ZMIZ1: variants seen among roughly 807,000 people sequenced by gnomAD.
The protein encoded by ZMIZ1 is zinc finger MIZ-type containing 1, also known as zinc finger MIZ domain-containing protein 1.
A neutral mutation model predicts 113.9 loss-of-function variants in ZMIZ1; 17 were observed. The ratio of observed to expected loss-of-function variants is 0.15; its 90% CI spans 0.10 to 0.22. ZMIZ1 has a LOEUF of 0.22. Ranked by LOEUF, ZMIZ1 falls within the 10% of genes least tolerant of loss-of-function variation. The pLI is 1.00. For missense variants in ZMIZ1, 1,059 were observed against 1,477.8 expected, an observed-to-expected ratio of 0.72 and a Z score of 4.65; for synonymous variants, 607 against 603.1, an observed-to-expected ratio of 1.01 and a Z score of -0.09.
At chr10:79,185,703 C>G (rs907377206) in intron 4 of ZMIZ1, among the ~76,000 whole-genome samples, 34 of 152,220 alleles carry the variant, frequency 2.2e-4, no homozygotes, top group Admixed American at 1.6e-3. Flanking sequence ...GTTTTTGGAG[C>G]AGGCCTGTCT....
chr10:79,158,229 A>C (rs1845978638), intron 3 of ZMIZ1, among the ~76,000 whole-genome samples: 2 of 152,190 alleles, frequency 1.3e-5, no homozygotes, highest in Admixed American at 6.5e-5. Flanking sequence ...GTCAGCAGCA[A>C]GCATGAAGAG....
intron 3 of ZMIZ1, among the ~76,000 whole-genome samples, chr10:79,146,126 G>T (rs566732717): frequency 6.6e-6 from 1 of 152,234 alleles, no homozygotes; most frequent in South Asian, 2.1e-4. Context: ...GCCAGGGAAG[G>T]GTGGGAGCTG....
At chr10:79,299,217 C>T in intron 16 of ZMIZ1, 26 bp downstream of exon 16, 1 of 1,586,534 alleles carries the variant, frequency 6.3e-7, no homozygotes, top group Non-Finnish European at 8.5e-7. Flanking sequence ...GGGGCGCCAG[C>T]CCAGGCGGGA....
intron 7 of ZMIZ1, among the ~76,000 whole-genome samples, chr10:79,253,055 A>G (rs1850649590): frequency 6.6e-6 from 1 of 152,164 alleles, no homozygotes; most frequent in Non-Finnish European, 1.5e-5. Context: ...TGGGAGCTTA[A>G]AAGTCCCAGA....
chr10:79,201,494 C>A, intron 4 of ZMIZ1, 90 bp from the exon 5 acceptor site: 1 of 946,216 alleles, frequency 1.1e-6, no homozygotes, highest in Non-Finnish European at 1.6e-6. Flanking sequence ...CTGGAACCTG[C>A]CAGTGTTGTG....
chr10:79,119,482 C>A (rs528488280), intron 2 of ZMIZ1, among the ~76,000 whole-genome samples: 1 of 152,354 alleles, frequency 6.6e-6, no homozygotes, highest in South Asian at 2.1e-4. Context: ...TGTGAGAAAA[C>A]TGAACGTCAC....
intron 1 of ZMIZ1, among the ~76,000 whole-genome samples, chr10:79,111,707 C>T (rs1017085833): frequency 2.6e-5 from 4 of 152,200 alleles, no homozygotes; most frequent in African/African-American, 4.8e-5. Flanking sequence ...CCCAAGCTTG[C>T]CCCTTCCCTC....
At chr10:79,286,562 G>A (rs1373075076) in intron 8 of ZMIZ1, among the ~76,000 whole-genome samples, 9 of 152,266 alleles carry the variant, frequency 5.9e-5, no homozygotes, top group South Asian at 2.1e-4. Context: ...ATGCCAGCAG[G>A]GCCTCGCGTG....
chr10:79,291,030 G>A lies in ZMIZ1; in HGVS notation c.612G>A (p.Met204Ile). The change falls in exon 10 of 25, where the codon ATG (methionine) becomes ATA (isoleucine). Residue 204 changes from methionine (M) to isoleucine (I), a missense_variant. Met to Ile is a conservative substitution (Grantham distance 10). Transcript: ENST00000334512. Reference sequence around the variant, plus strand: ...GCGGCAACCCCATGGCGTCGGGCATGACCACCAGCAACCCAGGCCTCAACT... The same window carrying A: ...GCGGCAACCCCATGGCGTCGGGCATAACCACCAGCAACCCAGGCCTCAACT... ...NPGGNPMASG[M>I]TTSNPGLNSP... The A allele has an allele frequency of 6.2e-7, 1 of 1,614,236 alleles. No individual in the cohort carries two copies. The highest frequency in any genetic ancestry group is 8.5e-7 in the Non-Finnish European group (1 of 1,180,052).
At chr10:79,306,869 G>A (rs1009843671) in intron 22 of ZMIZ1, among the ~76,000 whole-genome samples, 26 of 152,274 alleles carry the variant, frequency 1.7e-4, no homozygotes, top group Admixed American at 7.2e-4. Flanking sequence ...CCACCTAGCC[G>A]AACTCCCACA....
rs376102463 is a variant in ZMIZ1 at position 79,150,040 on chromosome 10, G to A, written c.-131+10263G>A. ...TTGGTGCTTCTGAGGAGGCTTGCTCGGCCCTCCCTCTCCCCTGGGCTGGGT... is the reference window on the plus strand; with the variant it reads ...TTGGTGCTTCTGAGGAGGCTTGCTCAGCCCTCCCTCTCCCCTGGGCTGGGT... On this transcript the variant is annotated intron_variant, in intron 3 of 24. Coordinates refer to ENST00000334512, the MANE Select transcript of ZMIZ1 (RefSeq NM_020338.4). 7.2e-5 allele frequency among the ~76,000 whole-genome samples: 11 copies of A among 152,332 alleles called. No homozygotes were observed. In the South Asian group the frequency reaches 1.0e-3, roughly 14 times the overall value.
At chr10:79,099,507 C>T (rs10762846) in intron 1 of ZMIZ1, among the ~76,000 whole-genome samples, 2 of 152,012 alleles carry the variant, frequency 1.3e-5, no homozygotes, top group African/African-American at 4.8e-5. Flanking sequence ...GTTAGACTGG[C>T]GTGTGGAAGA....
At position 79,296,899 on chromosome 10, in the gene ZMIZ1, C is replaced by T. The variant is rs945820490; in HGVS notation, c.1413+246C>T. 3.1e-5 allele frequency: 12 copies of T among 389,810 alleles called. No individual in the cohort carries two copies. Among genetic ancestry groups the T allele is most frequent in the Non-Finnish European group, 4.1e-5 (9 of 220,484 alleles). 24.1% of individuals were successfully genotyped at this position (389,810 alleles called of 1,614,324 possible). On this transcript the variant is annotated intron_variant, in intron 13 of 24. Transcript: ENST00000334512. The surrounding 1 kb of genome is among the most constrained non-coding windows in gnomAD (Gnocchi z 4.1). ...TTTTTTTTTCTCCTTTTCTTATTCA[C>T]GGCACTCACAAAATAATAAAGGAAA...
intron 7 of ZMIZ1, among the ~76,000 whole-genome samples, chr10:79,254,689 A>G (rs1764596123): frequency 6.6e-6 from 1 of 152,108 alleles, no homozygotes; most frequent in African/African-American, 2.4e-5. Flanking sequence ...TGGGTGGGGG[A>G]TGGCCTTCCT....
In ZMIZ1 at chr10:79,314,301, T is replaced by C. The variant is rs1328296913; in HGVS notation, c.*1552T>C. On this transcript the variant is annotated 3_prime_UTR_variant, in exon 25 of 25. Coordinates refer to ENST00000334512, the MANE Select transcript of ZMIZ1 (RefSeq NM_020338.4). ...ACTGGGGTCCCATCTGTAAATTCTT[T>C]GCGCCCTTCCCGGCTGCTGCCTGGG... 6.6e-6 allele frequency: 3 copies of C among 455,432 alleles called. No homozygotes were observed. The highest frequency in any genetic ancestry group is 1.4e-4 in the East Asian group (2 of 14,492). 28.2% of individuals were successfully genotyped at this position (455,432 alleles called of 1,614,324 possible).
At chr10:79,241,985 G>C (rs1359466247) in intron 7 of ZMIZ1, among the ~76,000 whole-genome samples, 1 of 152,144 alleles carries the variant, frequency 6.6e-6, no homozygotes, top group Non-Finnish European at 1.5e-5. Flanking sequence ...CTAAGTGTTT[G>C]GGGCAGTTAG....
intron 4 of ZMIZ1, among the ~76,000 whole-genome samples, chr10:79,166,735 T>C (rs1418530717): frequency 6.6e-6 from 1 of 152,188 alleles, no homozygotes; most frequent in Non-Finnish European, 1.5e-5. Context: ...AATAAGTAAA[T>C]TGTCCTCTCC....
At chr10:79,160,706 C>T (rs1370623599) in intron 3 of ZMIZ1, among the ~76,000 whole-genome samples, 1 of 152,242 alleles carries the variant, frequency 6.6e-6, no homozygotes, top group Non-Finnish European at 1.5e-5. Context: ...CCTGGGAGCC[C>T]CTGCCTGTGC....
chr10:79,282,843 C>T (rs768966073), intron 8 of ZMIZ1, among the ~76,000 whole-genome samples: 7 of 152,148 alleles, frequency 4.6e-5, no homozygotes, highest in Non-Finnish European at 7.4e-5. Flanking sequence ...GTGGGGCTGC[C>T]GTCTATACTC....
Sources: allele counts gnomAD v4.1 joint callset (sites outside exome capture counted in the v4.1 genomes callset), GRCh38; gene constraint gnomAD v4.1.1; non-coding constraint Gnocchi (gnomAD v3.1); transcripts MANE v1.5; gene names NCBI Gene and HGNC (gene_info 2026-07-23, HGNC 2026-07-21).